The following MACROD2 variants were observed in gnomAD, a reference collection of about 807,000 sequenced individuals.
MACROD2 encodes the protein mono-ADP ribosylhydrolase 2.
Under a neutral mutation model 70.4 loss-of-function variants are expected in MACROD2, and 36 were observed. The ratio of observed to expected loss-of-function variants is 0.51; its 90% CI spans 0.39 to 0.68. The LOEUF is 0.68. MACROD2 is among the 30% of genes least tolerant of loss of function. MACROD2 has a pLI of 0.00. For synonymous variants in MACROD2, 172 were observed against 178.8 expected, an observed-to-expected ratio of 0.96 and a Z score of 0.30; for missense variants, 496 against 538.4, an observed-to-expected ratio of 0.92 and a Z score of 0.78.
chr20:14,407,605 G>T (rs1219414241), intron 3 of MACROD2, among the ~76,000 whole-genome samples: 1 of 152,102 alleles, frequency 6.6e-6, no homozygotes. Context: ...CATTGTTAAG[G>T]ACGCTCTCAA....
At chr20:15,055,452 T>C (rs1208627236) in intron 5 of MACROD2, among the ~76,000 whole-genome samples, 1 of 152,168 alleles carries the variant, frequency 6.6e-6, no homozygotes, top group Non-Finnish European at 1.5e-5. Flanking sequence ...GAGATTATTG[T>C]CTCTGGTTCA....
rs558579967 is a variant in MACROD2, at chr20:15,810,432, A to G, written c.646-52313A>G. On this transcript the variant is annotated intron_variant, in intron 8 of 17. Transcript: ENST00000684519. ...ATTTCTAGTTCTAGATCCCTGAGGAATCGCCACACTGACTTCCACAATGGT... is the reference window on the plus strand; with the variant it reads ...ATTTCTAGTTCTAGATCCCTGAGGAGTCGCCACACTGACTTCCACAATGGT... Among the ~76,000 whole-genome samples, 6 of 151,998 alleles carry G rather than the reference A, an allele frequency of 3.9e-5. No individual in the cohort carries two copies. In the East Asian group the frequency reaches 1.2e-3, roughly 29 times the overall value.
At chr20:15,156,320 G>C (rs947553710) in intron 5 of MACROD2, among the ~76,000 whole-genome samples, 2 of 152,080 alleles carry the variant, frequency 1.3e-5, no homozygotes, top group African/African-American at 2.4e-5. Flanking sequence ...TTGATTGGAA[G>C]TCATCAGTGA....
At chr20:14,891,930 A>T (rs1052753833) in intron 5 of MACROD2, among the ~76,000 whole-genome samples, 3 of 152,290 alleles carry the variant, frequency 2.0e-5, no homozygotes, top group East Asian at 3.9e-4. Context: ...CATCAATAAG[A>T]TGAATATATG....
chr20:14,966,469 A>T (rs1285008038), intron 5 of MACROD2, among the ~76,000 whole-genome samples: 2 of 152,122 alleles, frequency 1.3e-5, no homozygotes, highest in African/African-American at 2.4e-5. Flanking sequence ...CCAGCTACTC[A>T]GGAGGCTGAG....
At chr20:14,235,220 T>G (rs2081857908) in intron 3 of MACROD2, among the ~76,000 whole-genome samples, 1 of 152,216 alleles carries the variant, frequency 6.6e-6, no homozygotes, top group African/African-American at 2.4e-5. Flanking sequence ...CAGCTGTAGA[T>G]TTAACTTTGT....
chr20:15,037,982 ATGTG>A (rs2075327075), intron 5 of MACROD2, among the ~76,000 whole-genome samples: 2 of 152,138 alleles, frequency 1.3e-5, no homozygotes, highest in Non-Finnish European at 2.9e-5. Flanking sequence ...GAGGCAATGG[ATGTG>A]CCAGTTACCC....
chr20:16,045,986 A>C (rs940087652), intron 17 of MACROD2, among the ~76,000 whole-genome samples: 7 of 84,090 alleles, frequency 8.3e-5, no homozygotes, highest in African/African-American at 2.2e-4. Context: ...TAAAATATTT[A>C]GTTGTTAAAA....
At chr20:15,234,012 CTTTTTTTTTTTTTTTTTTTT>C (rs1177498607) in intron 6 of MACROD2, among the ~76,000 whole-genome samples, 8 of 29,194 alleles carry the variant, frequency 2.7e-4, no homozygotes, top group South Asian at 3.4e-3. Flanking sequence ...TATATATATT[CTTTTTTTTTTTTTTTTTTTT>C]TTTTTTTTTT....
In MACROD2 at chr20:14,715,783, AC is replaced by A. The variant is rs1158962571; in HGVS notation, c.418+30825del. 2.6e-5 allele frequency among the ~76,000 whole-genome samples: 4 copies of A among 152,166 alleles called. No homozygotes were observed. In the East Asian group the frequency reaches 7.7e-4, roughly 29 times the overall value. On this transcript the variant is annotated intron_variant, in intron 5 of 17. Transcript: ENST00000684519. ...AGGTTGATTGTAGTTTTTAAGTTAA[AC>A]ATCAACAGGGGCTGAAAAGACCCTA...
chr20:15,347,679 T>A (rs1433047385), intron 6 of MACROD2, among the ~76,000 whole-genome samples: 7 of 152,332 alleles, frequency 4.6e-5, no homozygotes, highest in African/African-American at 1.7e-4. Context: ...TAATATGATA[T>A]AATGTAATAC....
intron 9 of MACROD2, among the ~76,000 whole-genome samples, chr20:15,874,840 G>A (rs2064645114): frequency 6.6e-6 from 1 of 152,312 alleles, no homozygotes; most frequent in East Asian, 1.9e-4. Context: ...AAGATTGGTG[G>A]TGGAGTTAGG....
intron 3 of MACROD2, among the ~76,000 whole-genome samples, chr20:14,375,617 G>C (rs2083364214): frequency 6.6e-6 from 1 of 152,256 alleles, no homozygotes; most frequent in African/African-American, 2.4e-5. Flanking sequence ...TTGGCAGCTG[G>C]GAGGAGGAAA....
chr20:15,307,329 C>A (rs1198497975), intron 6 of MACROD2, among the ~76,000 whole-genome samples: 1 of 152,172 alleles, frequency 6.6e-6, no homozygotes, highest in East Asian at 1.9e-4. Context: ...AGGCTTGGAT[C>A]TTTTGGTCTC....
chr20:14,088,755 G>A (rs1254499229), intron 3 of MACROD2, among the ~76,000 whole-genome samples: 1 of 152,096 alleles, frequency 6.6e-6, no homozygotes, highest in Non-Finnish European at 1.5e-5. Context: ...AACTCCCCAA[G>A]CAATGTCATC....
At chr20:14,585,524 A>T (rs1314210924) in intron 4 of MACROD2, among the ~76,000 whole-genome samples, 1 of 152,086 alleles carries the variant, frequency 6.6e-6, no homozygotes. Flanking sequence ...TTACAGATGT[A>T]TAACTATATA....
At chr20:14,974,503 A>G (rs2074720234) in intron 5 of MACROD2, among the ~76,000 whole-genome samples, 1 of 152,122 alleles carries the variant, frequency 6.6e-6, no homozygotes, top group Admixed American at 6.6e-5. Context: ...ACCACAAAGG[A>G]TAGTGCAGTA....
In MACROD2 at chr20:14,270,957, C is replaced by G. The variant is rs556170386; in HGVS notation, c.271+185229C>G. 1.1e-4 allele frequency among the ~76,000 whole-genome samples: 17 copies of G among 152,304 alleles called. 2 individuals carry two copies. In the South Asian group the frequency reaches 3.5e-3, roughly 32 times the overall value. On this transcript the variant is annotated intron_variant, in intron 3 of 17. Coordinates refer to ENST00000684519, the MANE Select transcript of MACROD2 (RefSeq NM_001351661.2). ...CTGGGGGAGGAGCGCCCGCCATTGC[C>G]CAGGCTTGCTTAGGTAAACAAAGCA...
At chr20:14,850,030 G>T (rs1339723892) in intron 5 of MACROD2, 1 of 509,994 alleles carries the variant, frequency 2.0e-6, no homozygotes, top group Admixed American at 2.0e-5. Context: ...TATTCCTGCA[G>T]GTTAGGATTG....
Sources: gnomAD v4.1 joint callset for allele counts (sites outside exome capture counted in the v4.1 genomes callset) on GRCh38, gnomAD v4.1.1 for gene constraint, MANE v1.5 for transcripts, NCBI Gene and HGNC (gene_info 2026-07-23, HGNC 2026-07-21) for gene names.